Variants in SCN11A observed in about 807,000 individuals in gnomAD.
SCN11A encodes the protein sodium voltage-gated channel alpha subunit 11.
In SCN11A, 122 loss-of-function variants were observed where a neutral mutation model predicts 162.2. That is an observed-to-expected ratio of 0.75 (90% confidence interval 0.65 to 0.87). The LOEUF (loss-of-function observed/expected upper bound fraction) is 0.87, where lower values mean the gene tolerates loss of function less well. Ranked by LOEUF, SCN11A falls within the 40% of genes least tolerant of loss-of-function variation. The pLI, the probability that SCN11A is intolerant of heterozygous loss-of-function variation, is 0.00. For synonymous variants in SCN11A, 758 were observed against 751.5 expected (o/e 1.01, Z -0.14); for missense variants, 2,015 against 2,181.6 (o/e 0.92, Z 1.52).
At chr3:38,970,975 C>CTGCT (rs1212628675) in intron 2 of SCN11A, among the ~76,000 whole-genome samples, 1 of 152,126 alleles carries the variant, frequency 6.6e-6, no homozygotes, top group African/African-American at 2.4e-5. Flanking sequence ...AGAGGCAGAG[C>CTGCT]TGCTACCAGA....
intron 20 of SCN11A, among the ~76,000 whole-genome samples, chr3:38,885,685 C>A (rs1366345209): frequency 2.0e-5 from 3 of 152,210 alleles, no homozygotes; most frequent in South Asian, 4.1e-4. Flanking sequence ...AGATCATAAC[C>A]CTGATAGGCT....
chr3:38,946,927 A>G lies in SCN11A; in HGVS notation c.268-20T>C. 3 of 1,441,336 alleles carry G rather than the reference A, an allele frequency of 2.1e-6. No individual in the cohort carries two copies. Among genetic ancestry groups the G allele is most frequent in the Non-Finnish European group, 2.9e-6 (3 of 1,036,284 alleles). 89.3% of individuals were successfully genotyped at this position (1,441,336 alleles called of 1,614,324 possible). Reference sequence around the variant, plus strand: ...AAATGTCTGCAAAACAAAAAAAACAATACAAGAAAACACACACATACACAA... The same window carrying G: ...AAATGTCTGCAAAACAAAAAAAACAGTACAAGAAAACACACACATACACAA... On this transcript the variant is annotated intron_variant, in intron 5 of 29. Coordinates refer to ENST00000302328, the MANE Select transcript of SCN11A (RefSeq NM_001349253.2).
chr3:38,910,786 T>C (rs2065876608), intron 11 of SCN11A, among the ~76,000 whole-genome samples: 3 of 152,208 alleles, frequency 2.0e-5, no homozygotes, highest in Admixed American at 1.3e-4. Flanking sequence ...GTTTCAGTAA[T>C]TGACAGTCCT....
intron 2 of SCN11A, among the ~76,000 whole-genome samples, chr3:38,999,271 T>C (rs1204824672): frequency 2.6e-5 from 4 of 152,212 alleles, no homozygotes; most frequent in East Asian, 3.8e-4. Flanking sequence ...ATTGCAACTA[T>C]AGACGAATTC....
chr3:39,023,833 G>C (rs942877031), intron 2 of SCN11A, among the ~76,000 whole-genome samples: 4 of 152,098 alleles, frequency 2.6e-5, no homozygotes, highest in Non-Finnish European at 4.4e-5. Flanking sequence ...AGTAGAGGCA[G>C]GGTTTTACCA....
intron 4 of SCN11A, among the ~76,000 whole-genome samples, chr3:38,951,299 G>A (rs1224626960): frequency 6.6e-6 from 1 of 152,242 alleles, no homozygotes; most frequent in African/African-American, 2.4e-5. Context: ...ACCCGGGCCA[G>A]TGGCTGCGGA....
chr3:38,847,104 G>A lies in SCN11A; in HGVS notation c.4966C>T (p.Pro1656Ser), dbSNP rs757777457. 10 of 1,614,122 alleles carry A rather than the reference G, an allele frequency of 6.2e-6. No homozygotes were observed. The Admixed American group carries it at 1.5e-4, about 24-fold the overall frequency. Residue 1656 changes from proline to serine, a missense_variant, in exon 30 of 30, where the codon CCT becomes TCT. By Grantham distance (74) the Pro-to-Ser change is moderately conservative. Transcript: ENST00000302328. ...LSDFADALPEPLRVAKPNKYQ... is the reference protein window; with the variant it reads ...LSDFADALPESLRVAKPNKYQ... ...TTATTTGGCTTTGCGACACGCAAAG[G>A]CTCAGGCAAGGCATCAGCAAAGTCA...
intron 2 of SCN11A, among the ~76,000 whole-genome samples, chr3:38,972,213 T>C (rs1299081361): frequency 6.6e-6 from 1 of 151,770 alleles, no homozygotes; most frequent in Non-Finnish European, 1.5e-5. Flanking sequence ...GATGGGGGAG[T>C]GATGGGGGAG....
intron 3 of SCN11A, among the ~76,000 whole-genome samples, chr3:38,958,028 T>C (rs1223691728): frequency 6.6e-6 from 1 of 152,210 alleles, no homozygotes; most frequent in African/African-American, 2.4e-5. Context: ...ATAGGCAACG[T>C]AGTGTGAAAG....
At chr3:38,862,396 C>A (rs2064978818) in intron 28 of SCN11A, among the ~76,000 whole-genome samples, 1 of 151,964 alleles carries the variant, frequency 6.6e-6, no homozygotes, top group South Asian at 2.1e-4. Context: ...AGGTACCTAC[C>A]CAAAGGAAAA....
At chr3:38,993,609 A>G (rs376547792) in intron 2 of SCN11A, among the ~76,000 whole-genome samples, 1 of 152,248 alleles carries the variant, frequency 6.6e-6, no homozygotes, top group African/African-American at 2.4e-5. Context: ...GGCACTGCAA[A>G]TGCAGAAGAA....
At chr3:38,910,378 A>G (rs1185866000) in intron 11 of SCN11A, among the ~76,000 whole-genome samples, 171 bp from the exon 12 acceptor site, 6 of 152,228 alleles carry the variant, frequency 3.9e-5, no homozygotes, top group Non-Finnish European at 8.8e-5. Flanking sequence ...TCTTTTGCTA[A>G]TGAACTGATT....
chr3:38,901,415 C>G (rs1272155164), intron 16 of SCN11A, among the ~76,000 whole-genome samples: 1 of 152,182 alleles, frequency 6.6e-6, no homozygotes, highest in African/African-American at 2.4e-5. Context: ...GTGTAGTCAT[C>G]CCCACCTCTT....
chr3:38,955,143 C>T (rs1227631473), intron 3 of SCN11A, among the ~76,000 whole-genome samples: 3 of 152,148 alleles, frequency 2.0e-5, no homozygotes, highest in Admixed American at 1.3e-4. Flanking sequence ...GAAAAATTAG[C>T]TAGGTGTGGT....
intron 2 of SCN11A, among the ~76,000 whole-genome samples, chr3:39,009,630 ACTAGATGGCTCAG>A (rs1354935943): frequency 1.4e-5 from 2 of 146,186 alleles, no homozygotes; most frequent in African/African-American, 5.1e-5. Flanking sequence ...AGCATAGCAT[ACTAGATGGCTCAG>A]CTGAAAAGAG....
intron 28 of SCN11A, among the ~76,000 whole-genome samples, chr3:38,857,610 T>G (rs1048850409): frequency 5.3e-5 from 8 of 152,076 alleles, no homozygotes; most frequent in South Asian, 2.1e-4. Context: ...CTGGCCTTGT[T>G]AGAAATCTAG....
chr3:39,027,052 G>A (rs2031606454), intron 2 of SCN11A, among the ~76,000 whole-genome samples: 1 of 151,966 alleles, frequency 6.6e-6, no homozygotes, highest in African/African-American at 2.4e-5. Flanking sequence ...TCCAAATCAA[G>A]ACTGCCTGAT....
rs747645678 is a variant in SCN11A at position 38,894,562 on chromosome 3, G to A, written c.2806C>T (p.Arg936Cys). The part of the protein sequence containing the change: ...VEFSGEDNAQ[R>C]ITQPEPEQQA... ...TGTTCAGGCTCAGGTTGTGTGATGCGCTGTGCATTATCTTCACCAGAAAAT... is the reference window on the plus strand; with the variant it reads ...TGTTCAGGCTCAGGTTGTGTGATGCACTGTGCATTATCTTCACCAGAAAAT... The change falls in exon 19 of 30, where the codon CGC becomes TGC. Residue 936 changes from arginine to cysteine, a missense_variant. Arg to Cys is a radical substitution (Grantham distance 180, BLOSUM62 -3). Coordinates refer to ENST00000302328, the MANE Select transcript of SCN11A (RefSeq NM_001349253.2). 1.1e-5 allele frequency: 17 copies of A among 1,612,196 alleles called. No individual in the cohort carries two copies. The East Asian group carries it at 1.6e-4, about 15-fold the overall frequency.
chr3:38,940,474 A>C (rs1262787307), intron 7 of SCN11A, among the ~76,000 whole-genome samples: 1 of 152,242 alleles, frequency 6.6e-6, no homozygotes, highest in Non-Finnish European at 1.5e-5. Flanking sequence ...TGGTTCTGGC[A>C]TATGAAAACG....
Sources: allele counts gnomAD v4.1 joint callset (sites outside exome capture counted in the v4.1 genomes callset), GRCh38; gene constraint gnomAD v4.1.1; transcripts MANE v1.5; gene names NCBI Gene and HGNC (gene_info 2026-07-23, HGNC 2026-07-21).